EYA4: variants seen among roughly 807,000 people sequenced by gnomAD.
EYA4 encodes the protein protein phosphatase EYA4.
A neutral mutation model predicts 87.9 loss-of-function variants in EYA4; 31 were observed. That is an observed-to-expected ratio of 0.35 (90% CI 0.27 to 0.48). The LOEUF is 0.48. EYA4 is among the 20% of genes least tolerant of loss of function. The probability of loss-of-function intolerance (pLI) is 0.99; values close to 1 mark genes in which losing one functional copy is unlikely to be tolerated. For synonymous variants in EYA4, 263 were observed against 270.6 expected, an observed-to-expected ratio of 0.97 and a Z score of 0.28; for missense variants, 678 against 761.4, an observed-to-expected ratio of 0.89 and a Z score of 1.29.
At chr6:133,415,034 C>T (rs183778373) in intron 3 of EYA4, among the ~76,000 whole-genome samples, 5 of 152,212 alleles carry the variant, frequency 3.3e-5, no homozygotes, top group Admixed American at 3.3e-4. Context: ...ATCTTATTGT[C>T]CTGTTTTACA....
intron 3 of EYA4, among the ~76,000 whole-genome samples, chr6:133,401,881 C>T (rs1257732445): frequency 6.6e-6 from 1 of 152,170 alleles, no homozygotes; most frequent in Non-Finnish European, 1.5e-5. Flanking sequence ...TCCCTGCATA[C>T]CTCTCTCTAA....
At chr6:133,400,387 A>G (rs1788157837) in intron 3 of EYA4, among the ~76,000 whole-genome samples, 1 of 152,098 alleles carries the variant, frequency 6.6e-6, no homozygotes, top group African/African-American at 2.4e-5. Flanking sequence ...GCACGCCTGT[A>G]ATCCCAGCTA....
chr6:133,482,424 A>G (rs1053479676), intron 12 of EYA4, among the ~76,000 whole-genome samples: 30 of 152,342 alleles, frequency 2.0e-4, no homozygotes, highest in African/African-American at 6.7e-4. Context: ...CCTGCCTGTC[A>G]CTGCCATGTA....
At chr6:133,479,851 G>C (rs1796055297) in intron 11 of EYA4, among the ~76,000 whole-genome samples, 2 of 152,128 alleles carry the variant, frequency 1.3e-5, no homozygotes, top group African/African-American at 4.8e-5. Context: ...AGTTGCCTCA[G>C]TTTATCTTAA....
intron 1 of EYA4, among the ~76,000 whole-genome samples, chr6:133,259,151 G>T (rs1227127816): frequency 6.6e-6 from 1 of 152,036 alleles, no homozygotes; most frequent in Non-Finnish European, 1.5e-5. Context: ...ATGCTTTTGT[G>T]GCTGACTGAA....
chr6:133,455,866 T>G (rs183824050), intron 5 of EYA4, among the ~76,000 whole-genome samples: 20 of 152,272 alleles, frequency 1.3e-4, no homozygotes, highest in Non-Finnish European at 2.6e-4. Context: ...TAGGCCACTT[T>G]GTTACCAAGC....
At chr6:133,300,919 A>G (rs998019972) in intron 2 of EYA4, among the ~76,000 whole-genome samples, 9 of 152,170 alleles carry the variant, frequency 5.9e-5, no homozygotes, top group African/African-American at 2.2e-4. Context: ...CTGCTTCCCT[A>G]CTGTATTCTA....
chr6:133,455,418 A>G (rs1259236757), intron 5 of EYA4, among the ~76,000 whole-genome samples: 1 of 152,174 alleles, frequency 6.6e-6, no homozygotes, highest in Non-Finnish European at 1.5e-5. Context: ...TCATGTCATT[A>G]ATAAATAATG....
rs73546871 is a variant in EYA4 at position 133,532,031 on chromosome 6, A to C, written c.*3226A>C. The stretch of plus-strand genomic sequence containing the variant: ...TATTGGGGCCTACATAATTTAAAAG[A>C]AATGTAAATTAATATTAAAAGCTTG... On this transcript the variant is annotated 3_prime_UTR_variant, in exon 20 of 20. Coordinates refer to ENST00000355286, the MANE Select transcript of EYA4 (RefSeq NM_004100.5). 3.2e-4 allele frequency: 49 copies of C among 152,342 alleles called. 1 individual carries two copies. Among genetic ancestry groups the C allele is most frequent in the African/African-American group, 1.2e-3 (49 of 41,584 alleles). 9.4% of individuals were successfully genotyped at this position (152,342 alleles called of 1,614,324 possible). A position where few individuals can be genotyped will look rare whatever the true frequency, so the allele number is the denominator to read the frequency against.
At chr6:133,241,829 A>G (rs892309517) in intron 1 of EYA4, 80 bp downstream of exon 1, 6 of 152,134 alleles carry the variant, frequency 3.9e-5, no homozygotes, top group African/African-American at 1.4e-4. Context: ...ACTTTCCGGG[A>G]AAGTGCGCGA....
chr6:133,326,156 G>C (rs1236931564), intron 2 of EYA4, among the ~76,000 whole-genome samples: 1 of 152,162 alleles, frequency 6.6e-6, no homozygotes, highest in African/African-American at 2.4e-5. Flanking sequence ...TCACCCTTCT[G>C]GCCAGAGCAG....
intron 2 of EYA4, among the ~76,000 whole-genome samples, chr6:133,334,856 G>T (rs1782245123): frequency 6.6e-6 from 1 of 152,044 alleles, no homozygotes; most frequent in Non-Finnish European, 1.5e-5. Context: ...AGTTGTCTTT[G>T]GTTGAAAATT....
At chr6:133,445,231 T>C (rs780672666) in intron 3 of EYA4, among the ~76,000 whole-genome samples, 11 of 152,176 alleles carry the variant, frequency 7.2e-5, no homozygotes, top group Non-Finnish European at 1.5e-5. Context: ...TCACCCCACT[T>C]TTTGCTGTTG....
At chr6:133,467,581 A>C (rs1794960825) in intron 10 of EYA4, among the ~76,000 whole-genome samples, 1 of 152,100 alleles carries the variant, frequency 6.6e-6, no homozygotes, top group African/African-American at 2.4e-5. Flanking sequence ...TTTCAGACTA[A>C]TAGAATTTTA....
intron 3 of EYA4, 57 bp downstream of exon 3, chr6:133,382,498 A>G (rs1786309669): frequency 2.6e-6 from 3 of 1,146,396 alleles, no homozygotes; most frequent in South Asian, 2.4e-5. Flanking sequence ...TCGGAGCACT[A>G]GTAAGATGTT....
chr6:133,375,478 AT>A (rs1312163443), intron 2 of EYA4, among the ~76,000 whole-genome samples: 1 of 151,768 alleles, frequency 6.6e-6, no homozygotes, highest in Non-Finnish European at 1.5e-5. Context: ...CTACTTTTAC[AT>A]TTTTTTATGT....
intron 2 of EYA4, among the ~76,000 whole-genome samples, chr6:133,331,630 T>C (rs1344234470): frequency 6.6e-6 from 1 of 152,224 alleles, no homozygotes; most frequent in Non-Finnish European, 1.5e-5. Context: ...GCAACGGTGC[T>C]TTTTATACAG....
At chr6:133,482,979 A>T in intron 12 of EYA4, 53 bp from the exon 13 acceptor site, 1 of 1,390,484 alleles carries the variant, frequency 7.2e-7, no homozygotes, top group East Asian at 2.3e-5. Flanking sequence ...TTGTAAAGAG[A>T]TTTCTGTTTC....
intron 7 of EYA4, among the ~76,000 whole-genome samples, chr6:133,461,751 G>A (rs1794401901): frequency 6.7e-6 from 1 of 149,630 alleles, no homozygotes; most frequent in Non-Finnish European, 1.5e-5. Context: ...TAGACTGAAG[G>A]TTGGATATCC....
Sources: allele counts gnomAD v4.1 joint callset (sites outside exome capture counted in the v4.1 genomes callset), GRCh38; gene constraint gnomAD v4.1.1; transcripts MANE v1.5; gene names NCBI Gene and HGNC (gene_info 2026-07-23, HGNC 2026-07-21).